RIMS1: variants seen among roughly 807,000 people sequenced by gnomAD.
RIMS1 encodes the protein regulating synaptic membrane exocytosis 1.
A neutral mutation model predicts 214.1 loss-of-function variants in RIMS1; 83 were observed. That is an observed-to-expected ratio of 0.39 (90% CI 0.32 to 0.47). The LOEUF is 0.47. Ranked by LOEUF, RIMS1 falls within the 20% of genes least tolerant of loss-of-function variation. The pLI, the probability that RIMS1 is intolerant of heterozygous loss-of-function variation, is 0.99. For missense variants in RIMS1, 2,050 were observed against 2,161.8 expected (o/e 0.95, Z 1.03); for synonymous variants, 793 against 786.8 (o/e 1.01, Z -0.13).
At chr6:71,890,635 A>C (rs1399738145) in intron 1 of RIMS1, among the ~76,000 whole-genome samples, 3 of 150,812 alleles carry the variant, frequency 2.0e-5, no homozygotes, top group Non-Finnish European at 4.4e-5. Context: ...GTAAGAGAAG[A>C]GAAAAAATGT....
chr6:72,388,470 G>A (rs76247324), intron 29 of RIMS1, among the ~76,000 whole-genome samples: 95 of 152,280 alleles, frequency 6.2e-4, no homozygotes, highest in African/African-American at 2.2e-3. Context: ...TTTTACTTTG[G>A]TGATTAATCA....
At chr6:72,259,895 A>G (rs2077254295) in intron 18 of RIMS1, among the ~76,000 whole-genome samples, 2 of 152,286 alleles carry the variant, frequency 1.3e-5, no homozygotes. Flanking sequence ...AAGGGTCATG[A>G]TAGTGGTGCT....
chr6:72,154,150 A>AG lies in RIMS1; in HGVS notation c.472-25425_472-25424insG, dbSNP rs1554253954. On this transcript the variant is annotated intron_variant, in intron 4 of 33. Coordinates refer to ENST00000521978, the MANE Select transcript of RIMS1 (RefSeq NM_014989.7). ...GATATAAGGAATAGCTGTATATGAAATAGCTACAAATTTGCATGCTAGGAG... is the reference window on the plus strand; with the variant it reads ...GATATAAGGAATAGCTGTATATGAAAGTAGCTACAAATTTGCATGCTAGGAG... Among the ~76,000 whole-genome samples the AG allele has an allele frequency of 1.2e-3, 173 of 142,698 alleles. 19 individuals are homozygous for AG. The highest frequency in any genetic ancestry group is 1.7e-3 in the Non-Finnish European group (104 of 62,492). 93.6% of individuals were successfully genotyped at this position (142,698 alleles called of 152,430 possible).
At chr6:72,304,685 C>G (rs1183508383) in intron 26 of RIMS1, among the ~76,000 whole-genome samples, 1 of 151,884 alleles carries the variant, frequency 6.6e-6, no homozygotes, top group Non-Finnish European at 1.5e-5. Context: ...TATGAAAAAA[C>G]TTTTACTGAA....
At chr6:72,019,511 A>G (rs1813884079) in intron 2 of RIMS1, among the ~76,000 whole-genome samples, 2 of 152,312 alleles carry the variant, frequency 1.3e-5, no homozygotes, top group Non-Finnish European at 2.9e-5. Context: ...CTATAGTAAA[A>G]CCCTTTTACA....
intron 29 of RIMS1, among the ~76,000 whole-genome samples, chr6:72,365,542 T>C (rs1033304880): frequency 6.6e-6 from 1 of 152,230 alleles, no homozygotes; most frequent in Non-Finnish European, 1.5e-5. Context: ...CTACCACTTA[T>C]ATGTCTATTG....
intron 1 of RIMS1, among the ~76,000 whole-genome samples, chr6:71,963,779 G>A (rs1404736711): frequency 3.3e-5 from 5 of 152,056 alleles, no homozygotes; most frequent in Non-Finnish European, 5.9e-5. Flanking sequence ...ATAGAAACTT[G>A]CTATAATATG....
chr6:71,972,830 C>T (rs537327249), intron 2 of RIMS1, among the ~76,000 whole-genome samples: 7 of 152,116 alleles, frequency 4.6e-5, no homozygotes, highest in South Asian at 2.1e-4. Flanking sequence ...TACTAAAATG[C>T]GTTTAAAAAG....
intron 2 of RIMS1, among the ~76,000 whole-genome samples, chr6:72,047,191 A>C (rs1823317968): frequency 2.0e-5 from 3 of 152,142 alleles, no homozygotes; most frequent in Non-Finnish European, 4.4e-5. Context: ...TTGCAGATTG[A>C]TTTTCTATTT....
chr6:72,084,547 G>A (rs779774489), intron 2 of RIMS1, among the ~76,000 whole-genome samples: 1 of 152,094 alleles, frequency 6.6e-6, no homozygotes, highest in Non-Finnish European at 1.5e-5. Context: ...CAACACATGA[G>A]CCTTCTACAC....
intron 6 of RIMS1, among the ~76,000 whole-genome samples, chr6:72,233,145 G>A (rs972011602): frequency 1.3e-5 from 2 of 151,610 alleles, no homozygotes; most frequent in Admixed American, 6.6e-5. Flanking sequence ...GCCTTCTTTA[G>A]CATTATATTG....
intron 22 of RIMS1, among the ~76,000 whole-genome samples, chr6:72,270,549 C>G (rs927369018): frequency 3.3e-5 from 5 of 152,124 alleles, no homozygotes; most frequent in Non-Finnish European, 7.4e-5. Context: ...GACCCAGGTA[C>G]TAGAAAGATG....
intron 28 of RIMS1, among the ~76,000 whole-genome samples, chr6:72,325,963 C>T (rs951515559): frequency 1.3e-5 from 2 of 151,790 alleles, no homozygotes; most frequent in Non-Finnish European, 2.9e-5. Context: ...GAGATGGCTT[C>T]TTAATATTGA....
chr6:72,046,371 T>C (rs1196977117), intron 2 of RIMS1, among the ~76,000 whole-genome samples: 2 of 152,086 alleles, frequency 1.3e-5, no homozygotes, highest in Admixed American at 6.6e-5. Flanking sequence ...ACTTTGACCA[T>C]GTTTAGATGC....
intron 4 of RIMS1, among the ~76,000 whole-genome samples, chr6:72,175,577 G>A (rs2047591989): frequency 2.0e-5 from 3 of 151,994 alleles, no homozygotes; most frequent in African/African-American, 4.8e-5. Flanking sequence ...GGAGGCTGGG[G>A]CAGGAGAATC....
intron 29 of RIMS1, among the ~76,000 whole-genome samples, chr6:72,365,189 A>G (rs1014715736): frequency 6.6e-6 from 1 of 152,202 alleles, no homozygotes; most frequent in Non-Finnish European, 1.5e-5. Context: ...GATTTGTTCA[A>G]ATTTGCAGTA....
rs145578896 is a variant in RIMS1, at chr6:72,375,112, A to G, written c.4367-15486A>G. On this transcript the variant is annotated intron_variant, in intron 29 of 33. Coordinates refer to ENST00000521978, the MANE Select transcript of RIMS1 (RefSeq NM_014989.7). ...CTCCTGCTGTGCAGCCTGCTTCCCA[A>G]CAGGCCACAGACTGGTACCAGTCCA... 2.4e-4 allele frequency among the ~76,000 whole-genome samples: 37 copies of G among 152,308 alleles called. 1 individual carries two copies. The highest frequency in any genetic ancestry group is 8.4e-4 in the African/African-American group (35 of 41,572).
At chr6:72,131,026 G>A (rs1012502447) in intron 4 of RIMS1, among the ~76,000 whole-genome samples, 18 of 152,142 alleles carry the variant, frequency 1.2e-4, no homozygotes, top group African/African-American at 4.3e-4. Context: ...GATCAATTTG[G>A]TTTCCCAGGC....
intron 1 of RIMS1, among the ~76,000 whole-genome samples, chr6:71,945,033 C>G (rs573482186): frequency 1.3e-5 from 2 of 152,224 alleles, no homozygotes; most frequent in Admixed American, 1.3e-4. Context: ...CTTTCAAGAC[C>G]TCTATCTAAA....
Sources: gnomAD v4.1 joint callset for allele counts (sites outside exome capture counted in the v4.1 genomes callset) on GRCh38, gnomAD v4.1.1 for gene constraint, MANE v1.5 for transcripts, NCBI Gene and HGNC (gene_info 2026-07-23, HGNC 2026-07-21) for gene names.